The following TAF2 variants were observed in gnomAD, a reference collection of about 807,000 sequenced individuals.
TAF2 encodes the protein TATA-box binding protein associated factor 2.
Under a neutral mutation model 138.5 loss-of-function variants are expected in TAF2, and 61 were observed. The observed-to-expected ratio is 0.44, with a 90% confidence interval of 0.36 to 0.54. The LOEUF (loss-of-function observed/expected upper bound fraction) is 0.54. Among genes scored for constraint, TAF2 ranks in the 20% least tolerant of loss-of-function variants. TAF2 has a pLI of 0.00. For missense variants in TAF2, 1,090 were observed against 1,427.9 expected, an observed-to-expected ratio of 0.76 and a Z score of 3.81; for synonymous variants, 475 against 469.9, an observed-to-expected ratio of 1.01 and a Z score of -0.14.
chr8:119,750,347 A>C (rs1820266544), intron 22 of TAF2, among the ~76,000 whole-genome samples: 1 of 152,206 alleles, frequency 6.6e-6, no homozygotes, highest in Non-Finnish European at 1.5e-5. Flanking sequence ...TCTCAAAAAA[A>C]CAAACACAAA....
At chr8:119,831,831 G>A (rs922014911) in intron 1 of TAF2, 100 bp from the exon 2 acceptor site, 20 of 795,386 alleles carry the variant, frequency 2.5e-5, no homozygotes, top group Non-Finnish European at 3.3e-5. Flanking sequence ...TATGTTCTAA[G>A]TAATTCAAAA....
In TAF2 at chr8:119,797,117, G is replaced by C; in HGVS notation, c.978-14C>G. On this transcript the variant is annotated splice_polypyrimidine_tract_variant and intron_variant, in intron 7 of 25. Coordinates refer to ENST00000378164, the MANE Select transcript of TAF2 (RefSeq NM_003184.4). ...AAAAGATTTGTGCTGGAATTTAAAA[G>C]AGAAGAAAGCTCATTATAACCAAGA... The C allele has an allele frequency of 6.5e-7, 1 of 1,549,860 alleles. No homozygotes were observed. Among genetic ancestry groups the C allele is most frequent in the Non-Finnish European group, 8.9e-7 (1 of 1,122,208 alleles).
intron 6 of TAF2, among the ~76,000 whole-genome samples, chr8:119,800,152 A>C (rs1824151460): frequency 6.6e-6 from 1 of 152,102 alleles, no homozygotes. Flanking sequence ...GTTTAATTAG[A>C]TCCCATTTGT....
At chr8:119,820,225 G>A (rs1825734186) in intron 2 of TAF2, among the ~76,000 whole-genome samples, 1 of 152,136 alleles carries the variant, frequency 6.6e-6, no homozygotes, top group Non-Finnish European at 1.5e-5. Flanking sequence ...CAGAATATAT[G>A]TTAATTGATT....
At chr8:119,797,923 CT>C in intron 6 of TAF2, 77 bp from the exon 7 acceptor site, 1 of 1,306,122 alleles carries the variant, frequency 7.7e-7, no homozygotes, top group Non-Finnish European at 1.1e-6. Flanking sequence ...AACACCTCAA[CT>C]ATAAATAAAT....
chr8:119,751,858 T>C (rs543113473), intron 22 of TAF2, among the ~76,000 whole-genome samples: 1 of 152,310 alleles, frequency 6.6e-6, no homozygotes, highest in Admixed American at 6.5e-5. Context: ...TATCTTTCTG[T>C]GGAGCATTAG....
intron 18 of TAF2, among the ~76,000 whole-genome samples, chr8:119,763,829 G>A (rs1456309130): frequency 6.6e-6 from 1 of 151,704 alleles, no homozygotes; most frequent in Non-Finnish European, 1.5e-5. Context: ...ACTCCAGCCT[G>A]GGTGACAGAG....
In TAF2 at chr8:119,762,474, G is replaced by C. The variant is rs1474369759; in HGVS notation, c.2499C>G (p.Ile833Met). 6.2e-7 allele frequency: 1 copy of C among 1,613,944 alleles called. No individual in the cohort carries two copies. The highest frequency in any genetic ancestry group is 1.1e-5 in the South Asian group (1 of 91,064). ...GTTTTTCCATATTCAAAAATCTGGT[G>C]ATTTCTTCAAGAATGAGTCGCACAT... ...NPDVRLILEEITRFLNMEKLL... is the reference protein window; with the variant it reads ...NPDVRLILEEMTRFLNMEKLL... Residue 833 changes from isoleucine to methionine, a missense_variant, in exon 19 of 26, where the codon ATC becomes ATG. Physicochemically the swap from Ile to Met is conservative, Grantham distance 10. Coordinates refer to ENST00000378164, the MANE Select transcript of TAF2 (RefSeq NM_003184.4).
intron 3 of TAF2, 55 bp from the exon 4 acceptor site, chr8:119,806,456 T>A: frequency 1.6e-6 from 2 of 1,251,136 alleles, no homozygotes; most frequent in Non-Finnish European, 2.2e-6. Context: ...TTACCAAGCA[T>A]TTTTCTTTCT....
chr8:119,767,969 A>G (rs1258662590), intron 18 of TAF2, among the ~76,000 whole-genome samples: 4 of 152,314 alleles, frequency 2.6e-5, no homozygotes, highest in Non-Finnish European at 2.9e-5. Context: ...GGGGAGGCTG[A>G]GCACGTTTGC....
chr8:119,787,346 A>G (rs1276203569), intron 14 of TAF2, among the ~76,000 whole-genome samples: 2 of 152,096 alleles, frequency 1.3e-5, no homozygotes, highest in Non-Finnish European at 2.9e-5. Context: ...CCTAAAACTT[A>G]AAGTATAATA....
intron 18 of TAF2, among the ~76,000 whole-genome samples, chr8:119,769,092 CAA>C (rs796226106): frequency 6.6e-6 from 1 of 152,074 alleles, no homozygotes; most frequent in African/African-American, 2.4e-5. Flanking sequence ...AGGGCTGAAA[CAA>C]AAAAGAGTAC....
intron 3 of TAF2, among the ~76,000 whole-genome samples, chr8:119,814,602 A>G (rs957087550): frequency 2.0e-4 from 30 of 152,016 alleles, no homozygotes; most frequent in Admixed American, 1.8e-3. Context: ...AAAATAAAAA[A>G]GGGCTTCTCG....
In TAF2 at chr8:119,731,813, T is replaced by C. The variant is rs757618821; in HGVS notation, c.*111A>G. 9.7e-7 allele frequency: 1 copy of C among 1,033,986 alleles called. No individual in the cohort carries two copies. Among genetic ancestry groups the C allele is most frequent in the East Asian group, 2.4e-5 (1 of 41,986 alleles). The allele number at this position is 1,033,986 out of a possible 1,614,324, so 64.1% of individuals were successfully genotyped here. A position where few individuals can be genotyped will look rare whatever the true frequency, so the allele number is the denominator to read the frequency against. The stretch of plus-strand genomic sequence containing the variant: ...AACTTAAATGAATTCAGAATTTCTG[T>C]AGGAGAGGCGAATCCTTTCCCCCCT... On this transcript the variant is annotated 3_prime_UTR_variant, in exon 26 of 26. Transcript: ENST00000378164.
At chr8:119,757,096 T>TA (rs1305358797) in intron 21 of TAF2, among the ~76,000 whole-genome samples, 1 of 152,158 alleles carries the variant, frequency 6.6e-6, no homozygotes, top group East Asian at 1.9e-4. Context: ...ATTGGATTTG[T>TA]AATTGAGAAA....
intron 3 of TAF2, among the ~76,000 whole-genome samples, chr8:119,818,208 A>G (rs1825599185): frequency 6.6e-6 from 1 of 152,216 alleles, no homozygotes; most frequent in Non-Finnish European, 1.5e-5. Flanking sequence ...CTTAAAACAC[A>G]AACTGTAGGA....
chr8:119,811,946 G>T (rs1238603326), intron 3 of TAF2, among the ~76,000 whole-genome samples: 1 of 151,570 alleles, frequency 6.6e-6, no homozygotes, highest in East Asian at 1.9e-4. Context: ...GCTCAAATTT[G>T]ATCCAACTAC....
At chr8:119,818,968 T>C (rs1345422371) in intron 3 of TAF2, among the ~76,000 whole-genome samples, 1 of 152,184 alleles carries the variant, frequency 6.6e-6, no homozygotes, top group Non-Finnish European at 1.5e-5. Flanking sequence ...AACTTTTTTA[T>C]AGAATATTTT....
At chr8:119,784,325 C>A (rs1189794010) in intron 15 of TAF2, among the ~76,000 whole-genome samples, 1 of 152,080 alleles carries the variant, frequency 6.6e-6, no homozygotes, top group South Asian at 2.1e-4. Context: ...GAGGTTGAGG[C>A]GGGTGGATCA....
Sources: gnomAD v4.1 joint callset for allele counts (sites outside exome capture counted in the v4.1 genomes callset) on GRCh38, gnomAD v4.1.1 for gene constraint, MANE v1.5 for transcripts, NCBI Gene and HGNC (gene_info 2026-07-23, HGNC 2026-07-21) for gene names.